The following TUSC3 variants were observed in gnomAD, a reference collection of about 807,000 sequenced individuals.
TUSC3 encodes dolichyl-diphosphooligosaccharide--protein glycosyltransferase subunit TUSC3.
A neutral mutation model predicts 44.8 loss-of-function variants in TUSC3; 45 were observed. The ratio of observed to expected loss-of-function variants is 1.00; its 90% CI spans 0.79 to 1.29. TUSC3 has a LOEUF of 1.29. Ranked by LOEUF, TUSC3 falls within the 50% of genes most tolerant of loss-of-function variation. TUSC3 has a pLI of 0.00. For missense variants in TUSC3, 519 were observed against 437.9 expected, an observed-to-expected ratio of 1.19 and a Z score of -1.65; for synonymous variants, 212 against 152.9, an observed-to-expected ratio of 1.39 and a Z score of -2.85.
At chr8:15,762,743 G>C (rs956128710) in intron 10 of TUSC3, among the ~76,000 whole-genome samples, 2 of 152,114 alleles carry the variant, frequency 1.3e-5, no homozygotes, top group African/African-American at 4.8e-5. Flanking sequence ...GCTGATGATG[G>C]CTTGTGTGTG....
At chr8:15,749,634 T>A (rs1487480102) in intron 9 of TUSC3, among the ~76,000 whole-genome samples, 1 of 151,024 alleles carries the variant, frequency 6.6e-6, no homozygotes, top group African/African-American at 2.5e-5. Flanking sequence ...GTCTTCAGGT[T>A]TTTCATTTTA....
At chr8:15,790,179 C>CTTTTTTTTTTT in the TUSC3 span, among the ~76,000 whole-genome samples, 1 of 72,252 alleles carries the variant, frequency 1.4e-5, no homozygotes, top group Non-Finnish European at 2.4e-5. Flanking sequence ...TTGTTAAGGC[C>CTTTTTTTTTTT]TTTTTTTTTT....
intron 1 of TUSC3, among the ~76,000 whole-genome samples, chr8:15,585,859 T>C (rs1471470460): frequency 6.6e-6 from 1 of 152,154 alleles, no homozygotes; most frequent in Admixed American, 6.5e-5. Flanking sequence ...TGACCGGGTT[T>C]TTTTGTTTCT....
chr8:15,472,932 A>C (rs760849839), intron 1 of TUSC3, among the ~76,000 whole-genome samples: 4 of 152,214 alleles, frequency 2.6e-5, no homozygotes, highest in Non-Finnish European at 5.9e-5. Context: ...GTCATTTTAC[A>C]GCTAAGTAAA....
intron 1 of TUSC3, among the ~76,000 whole-genome samples, chr8:15,612,499 G>A (rs1804806911): frequency 6.6e-6 from 1 of 152,158 alleles, no homozygotes; most frequent in Non-Finnish European, 1.5e-5. Context: ...AGTAAAATGT[G>A]AATTGAGAAA....
In TUSC3 at chr8:15,763,353, CCTA is replaced by C. The variant is rs1323509340; in HGVS notation, c.*47-847_*47-845del. On this transcript the variant is annotated intron_variant, in intron 10 of 10. Transcript: ENST00000503731. ...TTTAAACATCCAAATATAAAACTTA[CCTA>C]CTTTGGACATTTTTCCAGCTACATG... Among the ~76,000 whole-genome samples, 3 of 151,458 alleles carry C rather than the reference CCTA, an allele frequency of 2.0e-5. No individual in the cohort carries two copies. The East Asian group carries it at 5.8e-4, about 29-fold the overall frequency.
chr8:15,773,298 A>C, the TUSC3 span, among the ~76,000 whole-genome samples: 7 of 152,206 alleles, frequency 4.6e-5, no homozygotes, highest in Non-Finnish European at 1.0e-4. Context: ...AACATGCAAA[A>C]TCCAATTGTA....
downstream of TUSC3, among the ~76,000 whole-genome samples, chr8:15,769,094 CA>C (rs527919401): frequency 6.6e-6 from 1 of 151,262 alleles, no homozygotes. Flanking sequence ...CATGTGGAAC[CA>C]AAAAAAAGCC....
chr8:15,705,525 TG>T (rs1018838971), intron 6 of TUSC3, among the ~76,000 whole-genome samples: 6 of 152,088 alleles, frequency 3.9e-5, no homozygotes, highest in African/African-American at 1.2e-4. Context: ...TAACCAATTT[TG>T]GTGGGTAATA....
At chr8:15,692,071 A>G (rs545118019) in intron 6 of TUSC3, among the ~76,000 whole-genome samples, 2 of 152,198 alleles carry the variant, frequency 1.3e-5, no homozygotes, top group East Asian at 3.9e-4. Flanking sequence ...GTGAGCCACC[A>G]CGCCTGGCAC....
At chr8:15,574,266 T>A (rs140301916) in intron 1 of TUSC3, among the ~76,000 whole-genome samples, 1 of 152,236 alleles carries the variant, frequency 6.6e-6, no homozygotes, top group Non-Finnish European at 1.5e-5. Context: ...TGTCTTAATC[T>A]ATAGAGACTC....
intron 1 of TUSC3, among the ~76,000 whole-genome samples, chr8:15,572,709 A>G (rs1802923835): frequency 3.9e-5 from 6 of 152,136 alleles, no homozygotes; most frequent in Admixed American, 3.9e-4. Context: ...TTGAACACCT[A>G]GAGGTCATTG....
At chr8:15,472,792 A>G (rs947833551) in intron 1 of TUSC3, among the ~76,000 whole-genome samples, 9 of 152,208 alleles carry the variant, frequency 5.9e-5, no homozygotes, top group African/African-American at 9.6e-5. Flanking sequence ...TGGTGTAGAA[A>G]TATTTTCAAA....
At chr8:15,794,672 G>A in the TUSC3 span, among the ~76,000 whole-genome samples, 1 of 151,206 alleles carries the variant, frequency 6.6e-6, no homozygotes, top group African/African-American at 2.4e-5. Flanking sequence ...AGGGCCCAAT[G>A]ACACCTGCAT....
At chr8:15,495,522 G>T (rs374559428) in intron 2 of TUSC3, among the ~76,000 whole-genome samples, 84 of 152,134 alleles carry the variant, frequency 5.5e-4, no homozygotes, top group African/African-American at 2.0e-3. Flanking sequence ...GGCCCCAAGA[G>T]GATGCTTTTG....
chr8:15,571,173 C>G (rs935726206), intron 1 of TUSC3, among the ~76,000 whole-genome samples: 2 of 151,644 alleles, frequency 1.3e-5, no homozygotes, highest in Admixed American at 1.3e-4. Flanking sequence ...AGGCTGGTCT[C>G]GAACTCCTGA....
intron 2 of TUSC3, among the ~76,000 whole-genome samples, chr8:15,500,317 A>G (rs904961343): frequency 1.3e-5 from 2 of 152,144 alleles, no homozygotes; most frequent in Non-Finnish European, 2.9e-5. Context: ...ATGCAAGTTT[A>G]TTGTTTTCAA....
chr8:15,833,571 GC>G, the TUSC3 span, among the ~76,000 whole-genome samples: 1 of 152,128 alleles, frequency 6.6e-6, no homozygotes, highest in Non-Finnish European at 1.5e-5. Context: ...ATTATCCTTA[GC>G]CAATCAATGC....
At chr8:15,767,669 G>A (rs1176877105), downstream of TUSC3, among the ~76,000 whole-genome samples, 1 of 152,124 alleles carries the variant, frequency 6.6e-6, no homozygotes. Flanking sequence ...GGAGGGAGCA[G>A]AATAGACCTC....
Sources: gnomAD v4.1 joint callset for allele counts (sites outside exome capture counted in the v4.1 genomes callset) on GRCh38, gnomAD v4.1.1 for gene constraint, MANE v1.5 for transcripts, NCBI Gene and HGNC (gene_info 2026-07-23, HGNC 2026-07-21) for gene names.